Variants in SLIT3 observed in about 807,000 individuals in gnomAD.
SLIT3 encodes slit homolog 3 protein.
A neutral mutation model predicts 184.0 loss-of-function variants in SLIT3; 68 were observed. The observed-to-expected ratio is 0.37, with a 90% CI of 0.30 to 0.45. SLIT3 has a LOEUF of 0.45. Among genes scored for constraint, SLIT3 ranks in the 20% least tolerant of loss-of-function variants. SLIT3 has a pLI of 1.00. For missense variants in SLIT3, 1,707 were observed against 2,026.0 expected, an observed-to-expected ratio of 0.84 and a Z score of 3.02; for synonymous variants, 831 against 828.6, an observed-to-expected ratio of 1.00 and a Z score of -0.05.
intron 3 of SLIT3, among the ~76,000 whole-genome samples, chr5:169,232,350 A>G (rs1387189389): frequency 6.6e-6 from 1 of 151,812 alleles, no homozygotes; most frequent in Non-Finnish European, 1.5e-5. Context: ...TCAGCCTCCC[A>G]AGTAGCTGGG....
intron 4 of SLIT3, among the ~76,000 whole-genome samples, chr5:169,065,534 G>A (rs981866607): frequency 1.3e-5 from 2 of 152,160 alleles, no homozygotes; most frequent in African/African-American, 4.8e-5. Flanking sequence ...TGAATGGGAG[G>A]AGCCTGGCCA....
chr5:168,748,304 CT>C lies in SLIT3; in HGVS notation c.2267del (p.Glu756GlyfsTer9). ...LPRGMPKDVTELYLEGNHLTA... is the reference protein window; with the variant it reads ...LPRGMPKDVTXLYLEGNHLTA... ...TGGAGGCAGCTGGGGGTACTTACAG[CT>C]CGGTCACATCCTTGGGCATGCCTCT... On this transcript the variant is annotated frameshift_variant, in exon 20 of 36. Transcript: ENST00000519560. LOFTEE classifies it high-confidence loss of function. 6.8e-7 allele frequency: 1 copy of C among 1,468,478 alleles called. No homozygotes were observed. The highest frequency in any genetic ancestry group is 1.4e-5 in the South Asian group (1 of 69,008). 91.0% of individuals were successfully genotyped at this position (1,468,478 alleles called of 1,614,324 possible). A position where few individuals can be genotyped will look rare whatever the true frequency, so the allele number is the denominator to read the frequency against.
At chr5:168,816,828 C>T (rs1475138543) in intron 8 of SLIT3, among the ~76,000 whole-genome samples, 7 of 152,156 alleles carry the variant, frequency 4.6e-5, no homozygotes, top group South Asian at 2.1e-4. Flanking sequence ...TTCCATATTG[C>T]GGATGAGCAG....
At chr5:169,042,252 T>C (rs1757471266) in intron 4 of SLIT3, among the ~76,000 whole-genome samples, 1 of 152,050 alleles carries the variant, frequency 6.6e-6, no homozygotes, top group South Asian at 2.1e-4. Flanking sequence ...TAGAAAAAAG[T>C]CCTGAGAAAC....
At chr5:168,688,393 C>T (rs1761809623) in intron 29 of SLIT3, among the ~76,000 whole-genome samples, 1 of 152,162 alleles carries the variant, frequency 6.6e-6, no homozygotes, top group African/African-American at 2.4e-5. Context: ...ACGGAAGAAT[C>T]AGGGCAAAGG....
At chr5:169,216,115 C>A (rs1764426580) in intron 3 of SLIT3, among the ~76,000 whole-genome samples, 1 of 152,178 alleles carries the variant, frequency 6.6e-6, no homozygotes, top group African/African-American at 2.4e-5. Flanking sequence ...TGGAATCCAG[C>A]CCCTGGGTTG....
chr5:168,820,041 G>A (rs13183143), intron 7 of SLIT3, among the ~76,000 whole-genome samples: 19,485 of 152,086 alleles, frequency 0.13, 1,675 homozygotes, highest in South Asian at 0.31. Context: ...TTCACAACAT[G>A]TTTGGGAGAT....
intron 6 of SLIT3, among the ~76,000 whole-genome samples, chr5:168,830,245 G>A (rs61430969): frequency 0.11 from 17,183 of 151,970 alleles, 1,287 homozygotes; most frequent in African/African-American, 0.22. Flanking sequence ...CAAGCCTCCC[G>A]CTCAGCCCAG....
intron 8 of SLIT3, among the ~76,000 whole-genome samples, chr5:168,808,889 C>G (rs1007874936): frequency 2.0e-5 from 3 of 152,116 alleles, no homozygotes; most frequent in African/African-American, 7.2e-5. Context: ...GGAGCCTGGC[C>G]TTCCACATCA....
chr5:168,803,193 A>T (rs1756830243), intron 9 of SLIT3, among the ~76,000 whole-genome samples: 1 of 152,258 alleles, frequency 6.6e-6, no homozygotes, highest in African/African-American at 2.4e-5. Flanking sequence ...CATAGATAAC[A>T]CACAGAGACT....
chr5:168,690,397 G>A (rs1317485135), intron 29 of SLIT3, among the ~76,000 whole-genome samples: 1 of 152,134 alleles, frequency 6.6e-6, no homozygotes, highest in African/African-American at 2.4e-5. Flanking sequence ...TGTGTCCTCT[G>A]AGCTTGCTGT....
intron 1 of SLIT3, among the ~76,000 whole-genome samples, chr5:169,267,461 T>C (rs895882862): frequency 1.3e-5 from 2 of 152,240 alleles, no homozygotes; most frequent in Admixed American, 6.5e-5. Flanking sequence ...ATCTGTTGAA[T>C]GACTGATGTT....
rs1182551341 is a variant in SLIT3, at chr5:168,685,761, T to G, written c.3481A>C (p.Asn1161His). Reference protein sequence around the residue: ...GPRCEKLITVNFVGKDSYVEL... With the variant: ...GPRCEKLITVHFVGKDSYVEL... Reference sequence around the variant, plus strand: ...ACGTAGGAGTCTTTGCCCACGAAGTTGACAGTGATGAGCTTCTCGCATCTG... The same window carrying G: ...ACGTAGGAGTCTTTGCCCACGAAGTGGACAGTGATGAGCTTCTCGCATCTG... The change falls in exon 31 of 36, where the codon AAC becomes CAC. Residue 1161 changes from asparagine to histidine, a missense_variant. Transcript: ENST00000519560. The G allele has an allele frequency of 6.2e-7, 1 of 1,608,894 alleles. No homozygotes were observed. The highest frequency in any genetic ancestry group is 8.5e-7 in the Non-Finnish European group (1 of 1,176,822).
At chr5:168,881,112 G>T (rs2938773) in intron 5 of SLIT3, among the ~76,000 whole-genome samples, 2 of 151,810 alleles carry the variant, frequency 1.3e-5, no homozygotes, top group African/African-American at 4.8e-5. Flanking sequence ...CTTCTTCCCC[G>T]CAAGCCCAGC....
intron 4 of SLIT3, among the ~76,000 whole-genome samples, chr5:169,029,786 T>TG (rs1756956149): frequency 6.6e-6 from 1 of 152,260 alleles, no homozygotes; most frequent in Admixed American, 6.5e-5. Flanking sequence ...AGGCAGGCAG[T>TG]GGTTGGGTTT....
chr5:169,220,257 T>C (rs1367373376), intron 3 of SLIT3, among the ~76,000 whole-genome samples: 6 of 148,030 alleles, frequency 4.1e-5, no homozygotes, highest in Non-Finnish European at 7.4e-5. Context: ...GATACTAAAA[T>C]CAACTCACTT....
intron 4 of SLIT3, among the ~76,000 whole-genome samples, chr5:169,180,865 C>T (rs1036717789): frequency 3.9e-5 from 6 of 152,174 alleles, no homozygotes; most frequent in African/African-American, 1.4e-4. Context: ...TTGATGGCTA[C>T]GCCCTTGAGA....
In SLIT3 at chr5:168,685,904, G is replaced by A. The variant is rs146512576; in HGVS notation, c.3338C>T (p.Pro1113Leu). 9.3e-5 allele frequency: 150 copies of A among 1,610,676 alleles called. 1 individual carries two copies. The highest frequency in any genetic ancestry group is 2.7e-5 in the Non-Finnish European group (32 of 1,178,576). The change falls in exon 31 of 36, where the codon CCA becomes CTA. Residue 1113 changes from proline to leucine, a missense_variant. Pro to Leu is a moderately conservative substitution (Grantham distance 98). This residue lies in a region of SLIT3 where 1,307 missense variants were observed against 1,511.6 expected (regional missense o/e 0.86). Transcript: ENST00000519560. ...GFSGPFCEHP[P>L]PMVLLQTSPC... ...GCTGGTCTGCAGTAGGACCATGGGT[G>A]GGGGGTGTTCACAGAAGGGTCCACT...
Position 168,863,338 on chromosome 5 carries a change from T to C in SLIT3, c.486-18683A>G, listed in dbSNP as rs115134490. ...AAGCGATATTCAGCCAGTGATCTAA[T>C]TGACATTTTACTTGGGCAAAAGAAC... On this transcript the variant is annotated intron_variant, in intron 5 of 35. Coordinates refer to ENST00000519560, the MANE Select transcript of SLIT3 (RefSeq NM_003062.4). 9.1e-4 allele frequency among the ~76,000 whole-genome samples: 139 copies of C among 152,350 alleles called. 1 individual carries two copies. Among genetic ancestry groups the C allele is most frequent in the African/African-American group, 2.9e-3 (122 of 41,578 alleles).
Sources: allele counts gnomAD v4.1 joint callset (sites outside exome capture counted in the v4.1 genomes callset), GRCh38; gene constraint gnomAD v4.1.1; regional missense constraint gnomAD v4.1.1; transcripts MANE v1.5; gene names NCBI Gene and HGNC (gene_info 2026-07-23, HGNC 2026-07-21).